Variants in SRCIN1 observed in about 807,000 individuals in gnomAD.
The protein encoded by SRCIN1 is P130Cas-associated protein.
SRCIN1 carries 50 observed loss-of-function variants against 116.2 expected under a neutral mutation model. The observed-to-expected ratio is 0.43, with a 90% CI of 0.34 to 0.54. The LOEUF is 0.54. Ranked by LOEUF, SRCIN1 falls within the 20% of genes least tolerant of loss-of-function variation. The probability of loss-of-function intolerance (pLI) is 0.02; values close to 1 mark genes in which losing one functional copy is unlikely to be tolerated. For synonymous variants in SRCIN1, 736 were observed against 750.0 expected (o/e 0.98, Z 0.30); for missense variants, 1,446 against 1,672.0 (o/e 0.86, Z 2.36).
rs1039490854 is a variant in SRCIN1, at chr17:38,561,682, G to A, written c.1481C>T (p.Pro494Leu). 3 of 1,558,588 alleles carry A rather than the reference G, an allele frequency of 1.9e-6. No individual in the cohort carries two copies. The highest frequency in any genetic ancestry group is 2.8e-5 in the African/African-American group (2 of 72,320). The change falls in exon 7 of 19, where the codon CCC becomes CTC. Residue 494 changes from proline to leucine, a missense_variant. Pro to Leu is a moderately conservative substitution (Grantham distance 98). Around this residue, in one of 5 missense-constraint regions of SRCIN1, gnomAD observed 398 missense variants for 385.6 expected, o/e 1.03. Coordinates refer to ENST00000617146, the MANE Select transcript of SRCIN1 (RefSeq NM_025248.3). Reference protein sequence around the residue: ...PPGGPPPPHSPYSGPPSRGSP... With the variant: ...PPGGPPPPHSLYSGPPSRGSP... ...GCCGCGGCTGGGCGGCCCCGAGTAG[G>A]GGCTGTGCGGTGGCGGGGGACCTCC...
At chr17:38,533,957 C>T (rs896819559) in intron 18 of SRCIN1, among the ~76,000 whole-genome samples, 9 of 150,814 alleles carry the variant, frequency 6.0e-5, no homozygotes, top group African/African-American at 2.0e-4. Context: ...ATAAACACTT[C>T]AAAGACCCCG....
rs1905939943 is a variant in SRCIN1 at position 38,558,302 on chromosome 17, T to TGCAGCGGGTCCTCCTGCCGCC, written c.2105_2125dup (p.Arg702_Leu708dup). 3 of 1,611,806 alleles carry TGCAGCGGGTCCTCCTGCCGCC rather than the reference T, an allele frequency of 1.9e-6. No individual in the cohort carries two copies. The highest frequency in any genetic ancestry group is 4.5e-5 in the East Asian group (2 of 44,874). ...CTCTTCCACCAGGGTGCGCTGCCGC[T>TGCAGCGGGTCCTCCTGCCGCC]GCAGCGGGTCCTCCTGCCGCCGCGC... On this transcript the variant is annotated inframe_insertion, in exon 11 of 19. Coordinates refer to ENST00000617146, the MANE Select transcript of SRCIN1 (RefSeq NM_025248.3). This position sits in a 1 kb window ranked among gnomAD's most constrained non-coding sequence, Gnocchi z 4.6.
intron 2 of SRCIN1, among the ~76,000 whole-genome samples, chr17:38,573,057 G>A (rs1255267971): frequency 6.6e-6 from 1 of 152,184 alleles, no homozygotes; most frequent in Non-Finnish European, 1.5e-5. Context: ...AGGAGGGAGG[G>A]AGGTTAGACA....
chr17:38,561,377 A>T (rs1906226695), intron 7 of SRCIN1, 86 bp downstream of exon 7: 6 of 1,391,050 alleles, frequency 4.3e-6, no homozygotes, highest in Non-Finnish European at 5.6e-6. Flanking sequence ...AGTCCAGGAC[A>T]CACACCTGCC....
chr17:38,588,075 A>G (rs1156475826), intron 1 of SRCIN1, among the ~76,000 whole-genome samples: 1 of 149,888 alleles, frequency 6.7e-6, no homozygotes. Flanking sequence ...AAAAAAAAGG[A>G]AGAAGAAGAA....
Position 38,558,329 on chromosome 17 carries a change from G to T in SRCIN1, c.2099C>A (p.Ala700Glu). Residue 700 changes from alanine (A) to glutamate (E), a missense_variant, in exon 11 of 19, where the codon GCG becomes GAG. This residue lies in a region of SRCIN1 where 398 missense variants were observed against 385.6 expected (regional missense o/e 1.03). Coordinates refer to ENST00000617146, the MANE Select transcript of SRCIN1 (RefSeq NM_025248.3). This position sits in a 1 kb window ranked among gnomAD's most constrained non-coding sequence, Gnocchi z 4.6. Reference sequence around the variant, plus strand: ...CAGCGGGTCCTCCTGCCGCCGCGCCGCCTCCGACACGCGCATGCTCAGCTC... The same window carrying T: ...CAGCGGGTCCTCCTGCCGCCGCGCCTCCTCCGACACGCGCATGCTCAGCTC... The part of the protein sequence containing the change: ...EAELSMRVSE[A>E]ARRQEDPLQR... 1.9e-6 allele frequency: 3 copies of T among 1,610,072 alleles called. No individual in the cohort carries two copies. Among genetic ancestry groups the T allele is most frequent in the East Asian group, 2.2e-5 (1 of 44,872 alleles).
At chr17:38,536,573 G>A (rs774125275) in intron 18 of SRCIN1, among the ~76,000 whole-genome samples, 1 of 152,144 alleles carries the variant, frequency 6.6e-6, no homozygotes, top group Non-Finnish European at 1.5e-5. Flanking sequence ...ACATTCTGAC[G>A]CCCAGATGTC....
Position 38,564,309 on chromosome 17 carries a change from C to A in SRCIN1, c.350G>T (p.Arg117Leu). Residue 117 changes from arginine to leucine, a missense_variant, in exon 4 of 19, where the codon CGC (arginine) becomes CTC (leucine). By Grantham distance (102) the Arg-to-Leu change is moderately radical. Coordinates refer to ENST00000617146, the MANE Select transcript of SRCIN1 (RefSeq NM_025248.3). ...GGCTCCCTGAGTGTGGCGTGAGCTG[C>A]GGGTCTGCAGGGGCCGGGCAGGGTG... ...EQPNYWSFKT[R>L]SSRHTQGAQP... 1.9e-6 allele frequency: 3 copies of A among 1,551,744 alleles called. No homozygotes were observed. Among genetic ancestry groups the A allele is most frequent in the Non-Finnish European group, 2.6e-6 (3 of 1,153,344 alleles).
At chr17:38,554,344 C>T (rs529071611) in intron 11 of SRCIN1, among the ~76,000 whole-genome samples, 1 of 152,318 alleles carries the variant, frequency 6.6e-6, no homozygotes, top group Non-Finnish European at 1.5e-5. Context: ...CTGTAACCCT[C>T]ATCTCATCTG....
rs1336842957 is a variant in SRCIN1, at chr17:38,585,509, C to T, written c.23-6718G>A. 6.6e-6 allele frequency among the ~76,000 whole-genome samples: 1 copy of T among 152,168 alleles called. No homozygotes were observed. Among genetic ancestry groups the T allele is most frequent in the African/African-American group, 2.4e-5 (1 of 41,446 alleles). On this transcript the variant is annotated intron_variant, in intron 1 of 18. Transcript: ENST00000617146. This position sits in a 1 kb window ranked among gnomAD's most constrained non-coding sequence, Gnocchi z 4.2. Reference sequence around the variant, plus strand: ...TCAAACTAGGCAGAGGCTCTGGGAACCCGAATTAGGAGAGGGGATCCTTTG... The same window carrying T: ...TCAAACTAGGCAGAGGCTCTGGGAATCCGAATTAGGAGAGGGGATCCTTTG...
intron 15 of SRCIN1, 98 bp downstream of exon 15, chr17:38,551,057 A>G (rs1235143095): frequency 6.7e-6 from 4 of 596,886 alleles, no homozygotes; most frequent in South Asian, 2.3e-5. Context: ...CCCAACCACA[A>G]TGATCTTGAG....
In SRCIN1 at chr17:38,549,047, G is replaced by T. The variant is rs778478123; in HGVS notation, c.3117+9C>A. On this transcript the variant is annotated intron_variant, in intron 16 of 18. Transcript: ENST00000617146. ...TCCCCTGGCCCTCTGTCTGAGGTGG[G>T]AGTGGTACCTTGATGAAGGCCGAGT... 1 of 1,613,270 alleles carries T rather than the reference G, an allele frequency of 6.2e-7. No individual in the cohort carries two copies. The highest frequency in any genetic ancestry group is 8.5e-7 in the Non-Finnish European group (1 of 1,179,672).
chr17:38,576,380 C>T (rs1175509908), intron 2 of SRCIN1, among the ~76,000 whole-genome samples: 1 of 152,096 alleles, frequency 6.6e-6, no homozygotes, highest in Non-Finnish European at 1.5e-5. Context: ...GCTCTGGTCA[C>T]CCTCCTGCTG....
rs540092925 is a variant in SRCIN1 at position 38,539,588 on chromosome 17, T to A, written c.3417+4235A>T. Among the ~76,000 whole-genome samples, 413 of 152,218 alleles carry A rather than the reference T, an allele frequency of 2.7e-3. 2 individuals are homozygous for A. The highest frequency in any genetic ancestry group is 4.5e-3 in the Non-Finnish European group (306 of 68,008). On this transcript the variant is annotated intron_variant, in intron 18 of 18. Coordinates refer to ENST00000617146, the MANE Select transcript of SRCIN1 (RefSeq NM_025248.3). ...GCAGCTGTGCCCTCCACAGCACAGC[T>A]CTGCTGCTCCCGCCCTCCGGGACTC...
At chr17:38,538,416 CAAAAAAA>C (rs536827040) in intron 18 of SRCIN1, among the ~76,000 whole-genome samples, 2 of 100,570 alleles carry the variant, frequency 2.0e-5, no homozygotes, top group East Asian at 5.7e-4. Context: ...GACTCCGTCT[CAAAAAAA>C]AAAAAAAAAA....
chr17:38,573,033 A>T (rs2143282396), intron 2 of SRCIN1, among the ~76,000 whole-genome samples: 1 of 151,944 alleles, frequency 6.6e-6, no homozygotes, highest in East Asian at 1.9e-4. Flanking sequence ...GGCGCCCGGG[A>T]CTCGGGTTGC....
chr17:38,538,975 G>A (rs912822578), intron 18 of SRCIN1, among the ~76,000 whole-genome samples: 4 of 152,258 alleles, frequency 2.6e-5, no homozygotes, highest in Admixed American at 6.5e-5. Context: ...AAGACCCGGC[G>A]CCCAACACCC....
intron 2 of SRCIN1, among the ~76,000 whole-genome samples, chr17:38,574,000 G>A (rs762239646): frequency 6.6e-6 from 1 of 152,204 alleles, no homozygotes; most frequent in Non-Finnish European, 1.5e-5. Context: ...TTTCCTAGGT[G>A]GTCACAATTT....
Position 38,561,695 on chromosome 17 carries a change from G to C in SRCIN1, c.1468C>G (p.Pro490Ala). Reference sequence around the variant, plus strand: ...GGCCCCGAGTAGGGGCTGTGCGGTGGCGGGGGACCTCCGGGGGGTGCTGCC... The same window carrying C: ...GGCCCCGAGTAGGGGCTGTGCGGTGCCGGGGGACCTCCGGGGGGTGCTGCC... The part of the protein sequence containing the change: ...DVAAPPGGPP[P>A]PHSPYSGPPS... The change falls in exon 7 of 19, where the codon CCA becomes GCA. Residue 490 changes from proline (P) to alanine (A), a missense_variant. Physicochemically the swap from Pro to Ala is conservative, Grantham distance 27. Around this residue, in one of 5 missense-constraint regions of SRCIN1, gnomAD observed 398 missense variants for 385.6 expected, o/e 1.03. Coordinates refer to ENST00000617146, the MANE Select transcript of SRCIN1 (RefSeq NM_025248.3). 3 of 1,549,036 alleles carry C rather than the reference G, an allele frequency of 1.9e-6. No homozygotes were observed. In the South Asian group the frequency reaches 3.5e-5, roughly 18 times the overall value.
Sources: gnomAD v4.1 joint callset for allele counts (sites outside exome capture counted in the v4.1 genomes callset) on GRCh38, gnomAD v4.1.1 for gene constraint, gnomAD v4.1.1 regional missense constraint, Gnocchi (gnomAD v3.1) non-coding constraint, MANE v1.5 for transcripts, NCBI Gene and HGNC (gene_info 2026-07-23, HGNC 2026-07-21) for gene names.